Variants in GAS2 observed in about 807,000 individuals in gnomAD.
GAS2 encodes growth arrest specific 2, also known as growth arrest-specific protein 2.
Under a neutral mutation model 37.5 loss-of-function variants are expected in GAS2, and 20 were observed. The observed-to-expected ratio is 0.53, with a 90% confidence interval of 0.37 to 0.77. GAS2 has a LOEUF of 0.77. GAS2 is among the 30% of genes least tolerant of loss of function. The pLI, the probability that GAS2 is intolerant of heterozygous loss-of-function variation, is 0.00. For synonymous variants in GAS2, 144 were observed against 132.2 expected (o/e 1.09, Z -0.61); for missense variants, 336 against 373.4 (o/e 0.90, Z 0.82).
chr11:22,804,178 G>A (rs139983182), intron 7 of GAS2, among the ~76,000 whole-genome samples: 1 of 152,242 alleles, frequency 6.6e-6, no homozygotes, highest in Non-Finnish European at 1.5e-5. Context: ...TGAAAACCAT[G>A]AGGTTACAAA....
chr11:22,753,939 A>T (rs1232641808), intron 6 of GAS2, among the ~76,000 whole-genome samples: 1 of 152,068 alleles, frequency 6.6e-6, no homozygotes, highest in Non-Finnish European at 1.5e-5. Context: ...GAAGGAAATG[A>T]TGTGCTCTTT....
chr11:22,715,739 GA>G (rs1366688018), intron 3 of GAS2, among the ~76,000 whole-genome samples: 1 of 151,832 alleles, frequency 6.6e-6, no homozygotes, highest in African/African-American at 2.4e-5. Context: ...TCAGGACCAG[GA>G]AGATTTGTAG....
At chr11:22,651,235 T>C (rs993724948) in intron 1 of GAS2, among the ~76,000 whole-genome samples, 1 of 152,218 alleles carries the variant, frequency 6.6e-6, no homozygotes, top group African/African-American at 2.4e-5. Flanking sequence ...TTAAGAATGT[T>C]GAATATTGGC....
intron 3 of GAS2, among the ~76,000 whole-genome samples, chr11:22,700,708 A>G (rs1466702486): frequency 6.6e-6 from 1 of 152,214 alleles, no homozygotes; most frequent in African/African-American, 2.4e-5. Flanking sequence ...CCAATGGTTC[A>G]TTCAGTTTGA....
intron 1 of GAS2, among the ~76,000 whole-genome samples, chr11:22,628,407 G>C (rs1381988683): frequency 6.6e-6 from 1 of 152,100 alleles, no homozygotes; most frequent in East Asian, 1.9e-4. Context: ...AAATATATGA[G>C]AACACAAATG....
At chr11:22,643,241 A>T (rs1331727625) in intron 1 of GAS2, among the ~76,000 whole-genome samples, 1 of 152,132 alleles carries the variant, frequency 6.6e-6, no homozygotes, top group African/African-American at 2.4e-5. Flanking sequence ...TATTAAAGAC[A>T]TGGATTAAAA....
At chr11:22,778,372 A>G (rs947619106) in intron 7 of GAS2, among the ~76,000 whole-genome samples, 1 of 152,222 alleles carries the variant, frequency 6.6e-6, no homozygotes, top group Admixed American at 6.5e-5. Context: ...ATATTTTCTG[A>G]TGGAGACAGA....
chr11:22,701,016 A>G (rs1850811605), intron 3 of GAS2, among the ~76,000 whole-genome samples: 1 of 152,158 alleles, frequency 6.6e-6, no homozygotes, highest in East Asian at 1.9e-4. Flanking sequence ...GAATATTAGA[A>G]CCTTTATTTT....
chr11:22,785,839 T>A (rs1049392240), intron 7 of GAS2, among the ~76,000 whole-genome samples: 1 of 137,326 alleles, frequency 7.3e-6, no homozygotes, highest in African/African-American at 2.7e-5. Flanking sequence ...CTGTACTTTT[T>A]TCGGGGAACT....
intron 1 of GAS2, among the ~76,000 whole-genome samples, chr11:22,647,053 C>T (rs189523502): frequency 0.021 from 3,167 of 150,632 alleles, 92 homozygotes; most frequent in African/African-American, 0.074. Flanking sequence ...GGTATATCTC[C>T]CAATGCTATC....
intron 3 of GAS2, among the ~76,000 whole-genome samples, chr11:22,695,835 A>C (rs1314539026): frequency 6.6e-6 from 1 of 152,174 alleles, no homozygotes; most frequent in Non-Finnish European, 1.5e-5. Context: ...GTTGAAAGTG[A>C]TTTTCCTGAA....
At chr11:22,753,857 C>T (rs533778933) in intron 6 of GAS2, among the ~76,000 whole-genome samples, 1 of 152,170 alleles carries the variant, frequency 6.6e-6, no homozygotes, top group Admixed American at 6.6e-5. Context: ...ATACTGAAAA[C>T]AGGAACTATA....
intron 3 of GAS2, among the ~76,000 whole-genome samples, chr11:22,718,158 C>T (rs1851770094): frequency 6.6e-6 from 1 of 152,170 alleles, no homozygotes; most frequent in Non-Finnish European, 1.5e-5. Flanking sequence ...ATATGAAAGA[C>T]ACTTACACAC....
At position 22,645,422 on chromosome 11, in the gene GAS2, G is replaced by T. The variant is rs187396337; in HGVS notation, c.-21+19609G>T. On this transcript the variant is annotated intron_variant, in intron 1 of 5. Coordinates refer to the GAS2 transcript ENST00000528582. ...CTCAGGAGGCTGAGGCACTAGAATC[G>T]CTTGAACCCGGGAGGCAGAGGCTGC... Among the ~76,000 whole-genome samples the T allele has an allele frequency of 4.2e-3, 634 of 152,120 alleles. 1 individual carries two copies. The highest frequency in any genetic ancestry group is 7.1e-3 in the Non-Finnish European group (482 of 68,012).
intron 7 of GAS2, among the ~76,000 whole-genome samples, chr11:22,771,183 T>G (rs1407614455): frequency 6.6e-6 from 1 of 152,082 alleles, no homozygotes; most frequent in Non-Finnish European, 1.5e-5. Flanking sequence ...CTATTGTGGG[T>G]GGCTAGAAGA....
chr11:22,770,064 G>A (rs780691506), intron 7 of GAS2, among the ~76,000 whole-genome samples: 7 of 152,220 alleles, frequency 4.6e-5, no homozygotes, highest in Non-Finnish European at 8.8e-5. Context: ...ACCAAACACC[G>A]CATGTTCTCA....
chr11:22,775,073 C>T (rs997752287), intron 7 of GAS2, among the ~76,000 whole-genome samples: 1 of 152,182 alleles, frequency 6.6e-6, no homozygotes, highest in Non-Finnish European at 1.5e-5. Flanking sequence ...GCAAGGGAGA[C>T]ATGATGCCAG....
chr11:22,707,345 C>T (rs745427985), intron 3 of GAS2, among the ~76,000 whole-genome samples: 15 of 152,138 alleles, frequency 9.9e-5, no homozygotes, highest in Non-Finnish European at 1.3e-4. Flanking sequence ...CATTTCTGCT[C>T]AAGGAAACAT....
intron 1 of GAS2, among the ~76,000 whole-genome samples, chr11:22,653,721 T>C (rs1359793392): frequency 7.2e-6 from 1 of 139,602 alleles, no homozygotes; most frequent in Non-Finnish European, 1.5e-5. Context: ...ACAGTTAGGA[T>C]TGAGACAATA....
Sources: allele counts gnomAD v4.1 joint callset (sites outside exome capture counted in the v4.1 genomes callset), GRCh38; gene constraint gnomAD v4.1.1; transcripts MANE v1.5; gene names NCBI Gene and HGNC (gene_info 2026-07-23, HGNC 2026-07-21).